CAPN8: variants seen among roughly 807,000 people sequenced by gnomAD.
CAPN8 encodes calpain 8, also known as calpain-8.
Under a neutral mutation model 80.9 loss-of-function variants are expected in CAPN8, and 87 were observed. That is an observed-to-expected ratio of 1.07 (90% CI 0.90 to 1.28). The LOEUF is 1.28. Ranked by LOEUF, CAPN8 falls within the 50% of genes most tolerant of loss-of-function variation. CAPN8 has a pLI of 0.00. For missense variants in CAPN8, 757 were observed against 702.0 expected (o/e 1.08, Z -0.89); for synonymous variants, 299 against 273.8 (o/e 1.09, Z -0.91).
Position 223,554,093 on chromosome 1 carries a change from C to T in CAPN8, c.1573-193G>A, listed in dbSNP as rs1232674933. ...TCCTGGCCCCAGGGAGCTTACAGTC[C>T]AGCAGGGATGAGCAGAGAGGCAGCG... On this transcript the variant is annotated intron_variant, in intron 13 of 20. Coordinates refer to ENST00000366872, the MANE Select transcript of CAPN8 (RefSeq NM_001143962.2). Among the ~76,000 whole-genome samples the T allele has an allele frequency of 5.3e-5, 8 of 152,296 alleles. No individual in the cohort carries two copies. In the East Asian group the frequency reaches 1.5e-3, roughly 29 times the overall value.
intron 2 of CAPN8, among the ~76,000 whole-genome samples, chr1:223,652,376 C>A (rs1165494729): frequency 1.3e-5 from 2 of 151,966 alleles, no homozygotes; most frequent in African/African-American, 2.4e-5. Context: ...TTTTTAGAAA[C>A]CCTTAGAGCA....
rs1432526165 is a variant in CAPN8 at position 223,665,568 on chromosome 1, A to G, written c.79T>C (p.Tyr27His). 1 of 1,551,518 alleles carries G rather than the reference A, an allele frequency of 6.4e-7. No homozygotes were observed. The highest frequency in any genetic ancestry group is 8.7e-7 in the Non-Finnish European group (1 of 1,147,004). ...AGGGTCTTGAAATCCTGGCCCAAGT[A>G]CTTCAAAGCGTTTTGGTTGGAGCCA... ...GLGSNQNALK[Y>H]LGQDFKTLRQ... Residue 27 changes from tyrosine (Y) to histidine (H), a missense_variant, in exon 1 of 21, where the codon TAC becomes CAC. Physicochemically the swap from Tyr to His is moderately conservative, Grantham distance 83. Transcript: ENST00000366872.
chr1:223,557,413 T>C (rs1656929437), intron 13 of CAPN8, among the ~76,000 whole-genome samples: 1 of 121,170 alleles, frequency 8.3e-6, no homozygotes, highest in Non-Finnish European at 1.8e-5. Context: ...GCTGGGCCTG[T>C]GCCCCCATGA....
chr1:223,644,347 C>T (rs1294832322), intron 2 of CAPN8: 1 of 182,920 alleles, frequency 5.5e-6, no homozygotes, highest in Non-Finnish European at 1.2e-5. Context: ...TCCATCATAG[C>T]TTTTTGCACT....
chr1:223,553,133 C>A (rs1309699879), intron 14 of CAPN8, among the ~76,000 whole-genome samples: 1 of 152,230 alleles, frequency 6.6e-6, no homozygotes, highest in Admixed American at 6.5e-5. Context: ...TTTTCACACA[C>A]TTTATTATCC....
intron 17 of CAPN8, 84 bp downstream of exon 17, chr1:223,545,147 G>A: frequency 6.5e-7 from 1 of 1,542,860 alleles, no homozygotes; most frequent in Non-Finnish European, 8.8e-7. Flanking sequence ...GATTAAGGAT[G>A]TGGTCAGAAT....
chr1:223,632,633 G>A (rs1657805242), intron 2 of CAPN8, among the ~76,000 whole-genome samples: 1 of 152,136 alleles, frequency 6.6e-6, no homozygotes, highest in Non-Finnish European at 1.5e-5. Context: ...GCCTCTCTAA[G>A]TGCTGGGATT....
chr1:223,553,006 T>C (rs1199783471), intron 14 of CAPN8, among the ~76,000 whole-genome samples: 4 of 152,218 alleles, frequency 2.6e-5, no homozygotes, highest in Admixed American at 2.0e-4. Context: ...TCCCAGGTTT[T>C]ATTTCCTGCA....
chr1:223,640,488 C>T (rs1658015690), intron 2 of CAPN8, among the ~76,000 whole-genome samples: 1 of 152,178 alleles, frequency 6.6e-6, no homozygotes, highest in Non-Finnish European at 1.5e-5. Flanking sequence ...CTCACTCCCA[C>T]CACCTGCCTT....
chr1:223,626,529 TC>T (rs536819229), intron 5 of CAPN8, among the ~76,000 whole-genome samples: 57 of 152,252 alleles, frequency 3.7e-4, no homozygotes, highest in African/African-American at 1.2e-3. Context: ...ACCTTGGAAA[TC>T]CACACAGCTC....
intron 20 of CAPN8, among the ~76,000 whole-genome samples, chr1:223,542,805 C>CATATATAA (rs1189703081): frequency 6.6e-6 from 1 of 152,172 alleles, no homozygotes; most frequent in Admixed American, 6.5e-5. Flanking sequence ...TCCTAGAAGC[C>CATATATAA]AGACACTTTA....
chr1:223,642,866 A>C (rs1467428034), intron 2 of CAPN8: 2 of 455,448 alleles, frequency 4.4e-6, no homozygotes, highest in Admixed American at 4.7e-5. Flanking sequence ...ACTCAATGGC[A>C]TGAAACAGCT....
At chr1:223,556,320 T>C (rs1264252353) in intron 13 of CAPN8, among the ~76,000 whole-genome samples, 2 of 152,202 alleles carry the variant, frequency 1.3e-5, no homozygotes, top group Admixed American at 1.3e-4. Flanking sequence ...TGTGTGTGTG[T>C]GTCAGTCACA....
chr1:223,642,817 T>C (rs1231697892), intron 2 of CAPN8: 1 of 456,140 alleles, frequency 2.2e-6, no homozygotes, highest in African/African-American at 2.0e-5. Context: ...CCAGGCCAAT[T>C]CTCATCCATC....
chr1:223,541,940 A>T (rs1656475772), intron 20 of CAPN8, 81 bp from the exon 21 acceptor site: 1 of 1,546,110 alleles, frequency 6.5e-7, no homozygotes, highest in Non-Finnish European at 8.8e-7. Flanking sequence ...CCTGCCTCAC[A>T]TGGGTGCGAT....
chr1:223,658,696 C>G (rs1256430272), intron 1 of CAPN8, among the ~76,000 whole-genome samples: 2 of 152,146 alleles, frequency 1.3e-5, no homozygotes, highest in Admixed American at 1.3e-4. Flanking sequence ...ATCCCAGCTA[C>G]CCAGGAGGCT....
chr1:223,558,781 T>C (rs989015663), intron 12 of CAPN8, among the ~76,000 whole-genome samples: 7 of 151,230 alleles, frequency 4.6e-5, no homozygotes, highest in Non-Finnish European at 1.0e-4. Flanking sequence ...TTGGTGTGTG[T>C]GGTATGTAAT....
At chr1:223,614,513 A>T (rs1172686846) in intron 10 of CAPN8, among the ~76,000 whole-genome samples, 4 of 152,164 alleles carry the variant, frequency 2.6e-5, no homozygotes, top group African/African-American at 9.7e-5. Context: ...AGCTGCCAAG[A>T]AATGTCCTTT....
At chr1:223,541,948 G>C in intron 20 of CAPN8, 89 bp from the exon 21 acceptor site, 1 of 1,541,242 alleles carries the variant, frequency 6.5e-7, no homozygotes, top group Non-Finnish European at 8.8e-7. Context: ...ACATGGGTGC[G>C]ATCTTTTTAT....
Sources: allele counts gnomAD v4.1 joint callset (sites outside exome capture counted in the v4.1 genomes callset), GRCh38; gene constraint gnomAD v4.1.1; transcripts MANE v1.5; gene names NCBI Gene and HGNC (gene_info 2026-07-23, HGNC 2026-07-21).